RCOR2: variants seen among roughly 807,000 people sequenced by gnomAD.
RCOR2 encodes the protein REST corepressor 2.
RCOR2 carries 19 observed loss-of-function variants against 58.9 expected under a neutral mutation model. The ratio of observed to expected loss-of-function variants is 0.32; its 90% CI spans 0.23 to 0.47. The LOEUF (loss-of-function observed/expected upper bound fraction) is 0.47. RCOR2 is among the 20% of genes least tolerant of loss of function. The pLI is 1.00. For synonymous variants in RCOR2, 286 were observed against 278.7 expected, an observed-to-expected ratio of 1.03 and a Z score of -0.26; for missense variants, 590 against 707.9, an observed-to-expected ratio of 0.83 and a Z score of 1.89.
chr11:63,925,271 C>T, the RCOR2 span, among the ~76,000 whole-genome samples: 2 of 152,214 alleles, frequency 1.3e-5, no homozygotes, highest in African/African-American at 4.8e-5. Flanking sequence ...GGTCCCCTGA[C>T]ATCCATCCCC....
chr11:63,913,282 G>A (rs1211224240), intron 8 of RCOR2, among the ~76,000 whole-genome samples: 1 of 146,984 alleles, frequency 6.8e-6, no homozygotes, highest in Non-Finnish European at 1.5e-5. Context: ...TGCCTCCCGG[G>A]TTCAAGCGAT....
chr11:63,912,165 C>G lies in RCOR2; in HGVS notation c.1272G>C (p.Ser424=), dbSNP rs754075337. Residue 424 remains serine, a synonymous_variant, in exon 12 of 12, where the codon TCG becomes TCC. Transcript: ENST00000301459. ...LEEDDEVQIT[S]VSTSVPRSVP... ...CTGATCGGGGCACGGACGTGGAGAC[C>G]GATGTAATCTGGACCTGAGGGGAGA... 6.4e-7 allele frequency: 1 copy of G among 1,550,604 alleles called. No homozygotes were observed. The highest frequency in any genetic ancestry group is 8.7e-7 in the Non-Finnish European group (1 of 1,150,582).
chr11:63,919,790 G>T (rs543052519), upstream of RCOR2, among the ~76,000 whole-genome samples: 61 of 152,366 alleles, frequency 4.0e-4, no homozygotes, highest in Non-Finnish European at 8.1e-4. Context: ...ATGAGCTCGG[G>T]CTCACCCTTC....
chr11:63,912,284 T>A (rs376361049), intron 11 of RCOR2, 21 bp downstream of exon 11: 5 of 1,598,594 alleles, frequency 3.1e-6, no homozygotes, highest in Non-Finnish European at 4.3e-6. Context: ...CTCTGAGGGG[T>A]TTCTCTCACC....
chr11:63,923,626 C>T, the RCOR2 span, among the ~76,000 whole-genome samples: 5 of 152,190 alleles, frequency 3.3e-5, no homozygotes, highest in Non-Finnish European at 7.3e-5. Flanking sequence ...TCCTCCCTGG[C>T]TCCCTTCCTG....
the RCOR2 span, among the ~76,000 whole-genome samples, chr11:63,925,186 A>G: frequency 1.3e-5 from 2 of 152,110 alleles, no homozygotes; most frequent in Admixed American, 1.3e-4. Context: ...CAATCTGATC[A>G]AGTCAATCCT....
Position 63,912,656 on chromosome 11 carries a change from C to G in RCOR2, c.1027+20G>C. 5.0e-6 allele frequency: 8 copies of G among 1,613,510 alleles called. No homozygotes were observed. The highest frequency in any genetic ancestry group is 1.1e-5 in the South Asian group (1 of 91,050). On this transcript the variant is annotated intron_variant, in intron 10 of 11. Coordinates refer to ENST00000301459, the MANE Select transcript of RCOR2 (RefSeq NM_173587.4). ...AGATAGATTCCTGGGGTCCTCTCTT[C>G]TCACCACAGTTTAACCCACCTTGAA...
intron 1 of RCOR2, 102 bp downstream of exon 1, chr11:63,916,228 G>A: frequency 1.9e-6 from 2 of 1,051,528 alleles, no homozygotes; most frequent in Non-Finnish European, 2.7e-6. Context: ...AGAGGCAGGA[G>A]CCATCAGTGT....
At chr11:63,927,006 G>A in the RCOR2 span, among the ~76,000 whole-genome samples, 2 of 151,568 alleles carry the variant, frequency 1.3e-5, no homozygotes, top group South Asian at 4.2e-4. Flanking sequence ...TGTATTTTTA[G>A]TAGAGACGGG....
In RCOR2 at chr11:63,912,439, G is replaced by A. The variant is rs1359105622; in HGVS notation, c.1123C>T (p.Arg375Cys). The change falls in exon 11 of 12, where the codon CGC (arginine) becomes TGC (cysteine). Residue 375 changes from arginine to cysteine, a missense_variant. Physicochemically the swap from Arg to Cys is radical, Grantham distance 180 (BLOSUM62 -3). Transcript: ENST00000301459. The stretch of plus-strand genomic sequence containing the variant: ...AGCACCTCCTCCAGATTGAAGCGGC[G>A]CCGGTAGCTCACAAAGAAAGTCTTC... ...QVKTFFVSYR[R>C]RFNLEEVLQE... 1 of 1,613,876 alleles carries A rather than the reference G, an allele frequency of 6.2e-7. No homozygotes were observed.
In RCOR2 at chr11:63,915,050, C is replaced by T. The variant is rs1447989308; in HGVS notation, c.266-96G>A. 11 of 1,563,614 alleles carry T rather than the reference C, an allele frequency of 7.0e-6. No homozygotes were observed. The East Asian group carries it at 2.5e-4, about 35-fold the overall frequency. On this transcript the variant is annotated intron_variant, in intron 3 of 11. Transcript: ENST00000301459. ...GGACCACCCCACAACGGCCAGGTCC[C>T]TGAACACGAGCCCCAGGGCAAGGGT...
upstream of RCOR2, among the ~76,000 whole-genome samples, chr11:63,921,647 T>A (rs1358263593): frequency 6.6e-6 from 1 of 152,140 alleles, no homozygotes; most frequent in Admixed American, 6.5e-5. Flanking sequence ...CATTGACTGT[T>A]AGGAAGATCC....
At chr11:63,923,994 C>T in the RCOR2 span, among the ~76,000 whole-genome samples, 3 of 152,162 alleles carry the variant, frequency 2.0e-5, no homozygotes, top group Non-Finnish European at 2.9e-5. Context: ...CCACAACCTC[C>T]GCCTCCTGGG....
rs1941862286 is a variant in RCOR2 at position 63,916,652 on chromosome 11, C to G, written c.-196G>C. Reference sequence around the variant, plus strand: ...GCCCCAGCGCTCTCCACGACCCCCACGAGCCAGGGCGTCAGAAAAGTTTGT... The same window carrying G: ...GCCCCAGCGCTCTCCACGACCCCCAGGAGCCAGGGCGTCAGAAAAGTTTGT... On this transcript the variant is annotated 5_prime_UTR_variant, in exon 1 of 12. Coordinates refer to ENST00000301459, the MANE Select transcript of RCOR2 (RefSeq NM_173587.4). 1.1e-6 allele frequency: 1 copy of G among 884,198 alleles called. No individual in the cohort carries two copies. The highest frequency in any genetic ancestry group is 1.6e-6 in the Non-Finnish European group (1 of 606,910). 54.8% of individuals were successfully genotyped at this position (884,198 alleles called of 1,614,324 possible).
Position 63,912,744 on chromosome 11 carries a change from A to AG in RCOR2, c.970-12dup. 1 of 1,613,948 alleles carries AG rather than the reference A, an allele frequency of 6.2e-7. No homozygotes were observed. Among genetic ancestry groups the AG allele is most frequent in the African/African-American group, 1.3e-5 (1 of 75,016 alleles). On this transcript the variant is annotated splice_polypyrimidine_tract_variant and intron_variant, in intron 9 of 11. Coordinates refer to ENST00000301459, the MANE Select transcript of RCOR2 (RefSeq NM_173587.4). ...GAACTTGGTGTTGGCCTGGAAAGCA[A>AG]GGAACAACATATCCTTTAGACTCAA...
intron 3 of RCOR2, 98 bp from the exon 4 acceptor site, chr11:63,915,052 G>A: frequency 6.4e-7 from 1 of 1,554,926 alleles, no homozygotes; most frequent in Non-Finnish European, 8.9e-7. Flanking sequence ...CCAGGTCCCT[G>A]AACACGAGCC....
chr11:63,926,489 C>CTT, the RCOR2 span, among the ~76,000 whole-genome samples: 95,752 of 137,858 alleles, frequency 0.69, 37,200 homozygotes, highest in Non-Finnish European at 0.87. Flanking sequence ...CTCTCTCTCT[C>CTT]TTTTTTTTTT....
At chr11:63,923,755 C>T in the RCOR2 span, among the ~76,000 whole-genome samples, 1 of 152,188 alleles carries the variant, frequency 6.6e-6, no homozygotes, top group East Asian at 1.9e-4. Context: ...AGCCCAGACC[C>T]CTGACCCCAG....
At position 63,915,002 on chromosome 11, in the gene RCOR2, C is replaced by T. The variant is rs1941836414; in HGVS notation, c.266-48G>A. The T allele has an allele frequency of 3.1e-6, 5 of 1,607,712 alleles. No individual in the cohort carries two copies. In the South Asian group the frequency reaches 4.4e-5, roughly 14 times the overall value. On this transcript the variant is annotated intron_variant, in intron 3 of 11. Coordinates refer to ENST00000301459, the MANE Select transcript of RCOR2 (RefSeq NM_173587.4). ...GTCTTGGTGAAGGGGGTTATAGCTCCTAACCCAGGCCTGTCCAGAAAGGGA... is the reference window on the plus strand; with the variant it reads ...GTCTTGGTGAAGGGGGTTATAGCTCTTAACCCAGGCCTGTCCAGAAAGGGA...
Sources: gnomAD v4.1 joint callset for allele counts (sites outside exome capture counted in the v4.1 genomes callset) on GRCh38, gnomAD v4.1.1 for gene constraint, MANE v1.5 for transcripts, NCBI Gene and HGNC (gene_info 2026-07-23, HGNC 2026-07-21) for gene names.